MSR1: variants seen among roughly 807,000 people sequenced by gnomAD.
MSR1 encodes macrophage scavenger receptor 1.
A neutral mutation model predicts 47.2 loss-of-function variants in MSR1; 53 were observed. That is an observed-to-expected ratio of 1.12 (90% CI 0.90 to 1.41). MSR1 has a LOEUF of 1.41. Ranked by LOEUF, MSR1 falls within the 40% of genes most tolerant of loss-of-function variation. The probability of loss-of-function intolerance (pLI) is 0.00; values close to 1 mark genes in which losing one functional copy is unlikely to be tolerated. For synonymous variants in MSR1, 239 were observed against 185.6 expected (o/e 1.29, Z -2.34); for missense variants, 786 against 546.9 (o/e 1.44, Z -4.36).
chr8:16,183,820 T>C (rs1801913268), intron 1 of MSR1, among the ~76,000 whole-genome samples: 1 of 144,204 alleles, frequency 6.9e-6, no homozygotes, highest in South Asian at 2.1e-4. Context: ...AAATATATTA[T>C]ATATTATATA....
chr8:16,188,004 C>A (rs1258030511), intron 1 of MSR1, among the ~76,000 whole-genome samples: 1 of 152,124 alleles, frequency 6.6e-6, no homozygotes, highest in African/African-American at 2.4e-5. Flanking sequence ...TTCAAGTGTG[C>A]CTTTTAATAT....
At chr8:16,152,592 G>A (rs1038733749) in intron 6 of MSR1, among the ~76,000 whole-genome samples, 3 of 151,976 alleles carry the variant, frequency 2.0e-5, no homozygotes, top group Non-Finnish European at 4.4e-5. Flanking sequence ...CATGTAGGTA[G>A]CCCCACCCAT....
intron 9 of MSR1, 105 bp from the exon 10 acceptor site, chr8:16,110,323 G>T: frequency 7.6e-7 from 1 of 1,323,952 alleles, no homozygotes. Context: ...AAAAAGTGTT[G>T]ATTATTTTCT....
intron 9 of MSR1, among the ~76,000 whole-genome samples, chr8:16,118,329 C>G (rs192607149): frequency 1.3e-5 from 2 of 152,138 alleles, no homozygotes; most frequent in African/African-American, 4.8e-5. Flanking sequence ...GTGTCCCCTT[C>G]ATAGATGGTA....
chr8:16,164,091 G>A lies in MSR1; in HGVS notation c.791C>T (p.Thr264Ile), dbSNP rs143967440. Residue 264 changes from threonine (T) to isoleucine (I), a missense_variant, in exon 5 of 10, where the codon ACC becomes ATC. Physicochemically the swap from Thr to Ile is moderately conservative, Grantham distance 89 (BLOSUM62 -1). Coordinates refer to ENST00000262101, the MANE Select transcript of MSR1 (RefSeq NM_138715.3). The part of the protein sequence containing the change: ...LRLKDWEHSQ[T>I]LRNITLIQGP... ...TTGAATTAAAGTGATATTTCTCAAG[G>A]TCTGAGAATGTTCCCAATCTTTCAG... The A allele has an allele frequency of 1.7e-5, 28 of 1,610,166 alleles. No homozygotes were observed. In the Admixed American group the frequency reaches 2.8e-4, roughly 16 times the overall value.
At chr8:16,184,231 A>G (rs1372702726) in intron 1 of MSR1, among the ~76,000 whole-genome samples, 1 of 152,026 alleles carries the variant, frequency 6.6e-6, no homozygotes, top group African/African-American at 2.4e-5. Flanking sequence ...CTTTCTTTTC[A>G]CATAACCTTT....
chr8:16,189,607 A>T (rs1171484656), intron 1 of MSR1, among the ~76,000 whole-genome samples: 1 of 90,484 alleles, frequency 1.1e-5, no homozygotes, highest in Admixed American at 1.6e-4. Context: ...ATATATATAA[A>T]ATCTTATTTT....
chr8:16,172,958 T>C (rs1317419025), intron 3 of MSR1, among the ~76,000 whole-genome samples: 3 of 152,194 alleles, frequency 2.0e-5, no homozygotes, highest in Non-Finnish European at 4.4e-5. Flanking sequence ...TATATATTGC[T>C]TTTTAGTTTC....
chr8:16,142,256 G>A (rs1872337), intron 8 of MSR1, among the ~76,000 whole-genome samples: 86,063 of 151,982 alleles, frequency 0.57, 28,016 homozygotes, highest in Non-Finnish European at 0.74. Flanking sequence ...ATTTCAACCC[G>A]GGAGGTGGAG....
At chr8:16,168,391 G>C in intron 4 of MSR1, 67 bp downstream of exon 4, 1 of 1,558,582 alleles carries the variant, frequency 6.4e-7, no homozygotes, top group Non-Finnish European at 8.8e-7. Flanking sequence ...TTCCTGTACT[G>C]CCTAAGGAGA....
chr8:16,181,716 T>C lies in MSR1; in HGVS notation c.-4-3724A>G, dbSNP rs535986728. ...CTAATGTAAATGATGGGTTGATGGG[T>C]GCACCAAACCACCATGGCATGTGTA... is the stretch of plus-strand genomic sequence containing the variant. On this transcript the variant is annotated intron_variant, in intron 1 of 9. Coordinates refer to ENST00000262101, the MANE Select transcript of MSR1 (RefSeq NM_138715.3). Among the ~76,000 whole-genome samples, 4 of 151,694 alleles carry C rather than the reference T, an allele frequency of 2.6e-5. No homozygotes were observed. The South Asian group carries it at 6.2e-4, about 24-fold the overall frequency.
chr8:16,143,466 G>A (rs1800615089), intron 8 of MSR1, 92 bp downstream of exon 8: 2 of 1,086,830 alleles, frequency 1.8e-6, no homozygotes, highest in Admixed American at 3.5e-5. Flanking sequence ...CTGTGCTGAA[G>A]TTGCGAACAT....
At chr8:16,191,028 T>C (rs1164969519) in intron 1 of MSR1, among the ~76,000 whole-genome samples, 4 of 152,172 alleles carry the variant, frequency 2.6e-5, no homozygotes, top group African/African-American at 9.7e-5. Flanking sequence ...GCCCATCATA[T>C]TCTTAAGGCC....
intron 9 of MSR1, among the ~76,000 whole-genome samples, chr8:16,117,382 G>A (rs752025615): frequency 6.6e-6 from 1 of 152,130 alleles, no homozygotes; most frequent in Non-Finnish European, 1.5e-5. Flanking sequence ...ATTAACATTA[G>A]CAGAGAGGTG....
chr8:16,188,498 AT>A (rs146935070), intron 1 of MSR1, among the ~76,000 whole-genome samples: 2,528 of 151,964 alleles, frequency 0.017, 59 homozygotes, highest in East Asian at 0.097. Flanking sequence ...CAAACTTGAA[AT>A]TTTTTTTATT....
intron 1 of MSR1, among the ~76,000 whole-genome samples, chr8:16,186,899 G>T (rs1475288700): frequency 6.6e-6 from 1 of 152,008 alleles, no homozygotes; most frequent in Non-Finnish European, 1.5e-5. Flanking sequence ...ACACACATGA[G>T]CTATTGAGCA....
chr8:16,110,034 A>G lies in MSR1; in HGVS notation c.*51T>C, dbSNP rs764572118. 6.2e-7 allele frequency: 1 copy of G among 1,607,012 alleles called. No individual in the cohort carries two copies. The highest frequency in any genetic ancestry group is 2.2e-5 in the East Asian group (1 of 44,792). The stretch of plus-strand genomic sequence containing the variant: ...ATGGATTTTACAGGAACAAGGTAAT[A>G]AAATCATTTTTGAGCAGCGATTTCA... On this transcript the variant is annotated 3_prime_UTR_variant, in exon 10 of 10. Transcript: ENST00000262101.
At chr8:16,142,369 AC>A (rs1800582176) in intron 8 of MSR1, among the ~76,000 whole-genome samples, 1 of 152,034 alleles carries the variant, frequency 6.6e-6, no homozygotes, top group Non-Finnish European at 1.5e-5. Context: ...AAAAAAGTAT[AC>A]AGCATTCAAA....
rs35966932 is a variant in MSR1 at position 16,177,503 on chromosome 8, T to C, written c.103+383A>G. ...GACACCTGCATTTTAGACTTCTGCA[T>C]CTCAGAACTGTGAGCGAATACATTT... On this transcript the variant is annotated intron_variant, in intron 2 of 9. Transcript: ENST00000262101. Among the ~76,000 whole-genome samples, 191 of 152,038 alleles carry C rather than the reference T, an allele frequency of 1.3e-3. 1 individual carries two copies. The highest frequency in any genetic ancestry group is 4.5e-3 in the African/African-American group (185 of 41,486).
Sources: allele counts gnomAD v4.1 joint callset (sites outside exome capture counted in the v4.1 genomes callset), GRCh38; gene constraint gnomAD v4.1.1; transcripts MANE v1.5; gene names NCBI Gene and HGNC (gene_info 2026-07-23, HGNC 2026-07-21).